CSRNP3: variants seen among roughly 807,000 people sequenced by gnomAD.
The protein encoded by CSRNP3 is cysteine/serine-rich nuclear protein 3.
A neutral mutation model predicts 48.0 loss-of-function variants in CSRNP3; 12 were observed. The observed-to-expected ratio is 0.25, with a 90% confidence interval of 0.16 to 0.41. The LOEUF is 0.41. Among genes scored for constraint, CSRNP3 ranks in the 10% least tolerant of loss-of-function variants. CSRNP3 has a pLI of 1.00. For synonymous variants in CSRNP3, 263 were observed against 269.7 expected, an observed-to-expected ratio of 0.98 and a Z score of 0.24; for missense variants, 580 against 724.4, an observed-to-expected ratio of 0.80 and a Z score of 2.29.
chr2:165,640,108 A>G (rs995171101), intron 4 of CSRNP3, among the ~76,000 whole-genome samples: 1 of 152,212 alleles, frequency 6.6e-6, no homozygotes, highest in Non-Finnish European at 1.5e-5. Flanking sequence ...CAGGCACTCT[A>G]CTGCTTCATA....
At chr2:165,600,098 A>C in intron 4 of CSRNP3, among the ~76,000 whole-genome samples, 3 of 133,314 alleles carry the variant, frequency 2.3e-5, no homozygotes, top group East Asian at 2.3e-4. Flanking sequence ...CCCACCCCAC[A>C]ACAGTCCCCA....
intron 4 of CSRNP3, among the ~76,000 whole-genome samples, chr2:165,631,365 G>C (rs773992408): frequency 2.6e-5 from 4 of 152,186 alleles, no homozygotes; most frequent in African/African-American, 7.2e-5. Context: ...GCCAATGAAG[G>C]CGTTTTTATA....
intron 2 of CSRNP3, among the ~76,000 whole-genome samples, chr2:165,498,007 A>G (rs751075290): frequency 5.3e-5 from 8 of 152,128 alleles, no homozygotes; most frequent in Non-Finnish European, 1.0e-4. Context: ...TGATGAGTTT[A>G]TGAACAAATT....
At chr2:165,576,477 T>C (rs1009786935) in intron 3 of CSRNP3, among the ~76,000 whole-genome samples, 5 of 151,930 alleles carry the variant, frequency 3.3e-5, no homozygotes, top group East Asian at 3.9e-4. Flanking sequence ...ATAAAAACAG[T>C]GTGGGCAAAG....
At chr2:165,497,607 C>G (rs1261049507) in intron 2 of CSRNP3, among the ~76,000 whole-genome samples, 2 of 152,016 alleles carry the variant, frequency 1.3e-5, no homozygotes, top group African/African-American at 4.8e-5. Context: ...ATAACTGAGA[C>G]AAAAACTAAC....
rs368995022 is a variant in CSRNP3, at chr2:165,571,489, A to G, written c.-23-23554A>G. Among the ~76,000 whole-genome samples, 56 of 152,054 alleles carry G rather than the reference A, an allele frequency of 3.7e-4. 1 individual carries two copies. The South Asian group carries it at 0.011, about 31-fold the overall frequency. On this transcript the variant is annotated intron_variant, in intron 3 of 6. Transcript: ENST00000651982. ...AGAAAGGCAATCTGACTACACACAC[A>G]TACACACACATATTTGTATATATAT...
intron 1 of CSRNP3, among the ~76,000 whole-genome samples, chr2:165,470,826 C>T (rs1683884138): frequency 6.6e-6 from 1 of 151,802 alleles, no homozygotes; most frequent in Admixed American, 6.6e-5. Flanking sequence ...CACTGGCCAT[C>T]GATTAATACC....
intron 4 of CSRNP3, among the ~76,000 whole-genome samples, chr2:165,596,450 A>G (rs1574855688): frequency 6.6e-6 from 1 of 152,204 alleles, no homozygotes; most frequent in Non-Finnish European, 1.5e-5. Context: ...TAAATGATTT[A>G]AACATATTTT....
intron 2 of CSRNP3, among the ~76,000 whole-genome samples, chr2:165,503,577 A>T (rs1684386371): frequency 6.6e-6 from 1 of 152,010 alleles, no homozygotes; most frequent in Non-Finnish European, 1.5e-5. Context: ...ATTATTATTT[A>T]AATTTTAGAA....
At position 165,480,317 on chromosome 2, in the gene CSRNP3, A is replaced by G. The variant is rs182225043; in HGVS notation, c.-283+10577A>G. 2.6e-3 allele frequency among the ~76,000 whole-genome samples: 394 copies of G among 152,274 alleles called. 11 individuals carry two copies. Among genetic ancestry groups the G allele is most frequent in the Admixed American group, 0.023 (359 of 15,292 alleles). On this transcript the variant is annotated intron_variant, in intron 1 of 6. Transcript: ENST00000651982. ...ATTCATGTGCAAAATCCTTTTTGCTATGTAACATAAACATAGCAACATAGA... is the reference window on the plus strand; with the variant it reads ...ATTCATGTGCAAAATCCTTTTTGCTGTGTAACATAAACATAGCAACATAGA...
intron 3 of CSRNP3, among the ~76,000 whole-genome samples, chr2:165,528,965 G>T (rs971367331): frequency 1.3e-5 from 2 of 152,148 alleles, no homozygotes; most frequent in African/African-American, 4.8e-5. Flanking sequence ...CTGTGATCCT[G>T]GGGCCAGAGC....
chr2:165,495,605 C>T (rs542755729), intron 2 of CSRNP3, among the ~76,000 whole-genome samples: 4 of 152,020 alleles, frequency 2.6e-5, no homozygotes, highest in Non-Finnish European at 5.9e-5. Flanking sequence ...TGATCCTTTT[C>T]CAACAGCTCT....
At chr2:165,659,105 AG>A (rs767688125) in intron 5 of CSRNP3, among the ~76,000 whole-genome samples, 1 of 152,188 alleles carries the variant, frequency 6.6e-6, no homozygotes, top group Non-Finnish European at 1.5e-5. Context: ...GCTGAGTTGG[AG>A]TGGCAGAATA....
intron 4 of CSRNP3, among the ~76,000 whole-genome samples, chr2:165,639,416 T>A (rs1230670275): frequency 6.6e-6 from 1 of 152,214 alleles, no homozygotes; most frequent in African/African-American, 2.4e-5. Context: ...AAATTCGGAA[T>A]CTATAAATAA....
chr2:165,515,609 G>T (rs553553811), intron 2 of CSRNP3, among the ~76,000 whole-genome samples: 47 of 151,348 alleles, frequency 3.1e-4, no homozygotes, highest in African/African-American at 9.9e-4. Context: ...TCTTTTTATG[G>T]CAGCAGAAAC....
chr2:165,542,311 A>G lies in CSRNP3; in HGVS notation c.-24+24350A>G, dbSNP rs539349652. 5.3e-5 allele frequency among the ~76,000 whole-genome samples: 8 copies of G among 152,196 alleles called. No homozygotes were observed. The East Asian group carries it at 9.7e-4, about 18-fold the overall frequency. On this transcript the variant is annotated intron_variant, in intron 3 of 6. Coordinates refer to ENST00000651982, the MANE Select transcript of CSRNP3 (RefSeq NM_001172173.2). ...TTCGAAAGAAAAATGCCCATACACAATTTTTTGCAGATTATTTCCTAGTGC... is the reference window on the plus strand; with the variant it reads ...TTCGAAAGAAAAATGCCCATACACAGTTTTTTGCAGATTATTTCCTAGTGC...
chr2:165,558,111 C>T (rs112904470), intron 3 of CSRNP3, among the ~76,000 whole-genome samples: 1,821 of 152,048 alleles, frequency 0.012, 39 homozygotes, highest in African/African-American at 0.042. Context: ...AAAAGAAAAT[C>T]GGGACCACAG....
intron 3 of CSRNP3, among the ~76,000 whole-genome samples, chr2:165,558,326 A>G (rs1685187804): frequency 6.6e-6 from 1 of 152,222 alleles, no homozygotes; most frequent in South Asian, 2.1e-4. Flanking sequence ...CCTGGATCTT[A>G]AAAGAATTTA....
At chr2:165,569,970 A>T (rs1685346963) in intron 3 of CSRNP3, among the ~76,000 whole-genome samples, 1 of 151,946 alleles carries the variant, frequency 6.6e-6, no homozygotes, top group African/African-American at 2.4e-5. Context: ...AGAATAATTT[A>T]TTTAAAAATT....
Sources: gnomAD v4.1 joint callset for allele counts (sites outside exome capture counted in the v4.1 genomes callset) on GRCh38, gnomAD v4.1.1 for gene constraint, MANE v1.5 for transcripts, NCBI Gene and HGNC (gene_info 2026-07-23, HGNC 2026-07-21) for gene names.